Variants in LRFN5 observed in about 807,000 individuals in gnomAD.
The protein encoded by LRFN5 is leucine-rich repeat and fibronectin type-III domain-containing protein 5.
In LRFN5, 24 loss-of-function variants were observed where a neutral mutation model predicts 45.6. The ratio of observed to expected loss-of-function variants is 0.53; its 90% CI spans 0.38 to 0.74. The LOEUF (loss-of-function observed/expected upper bound fraction) is 0.74. LRFN5 is among the 30% of genes least tolerant of loss of function. The pLI is 0.00. For missense variants in LRFN5, 776 were observed against 861.5 expected, an observed-to-expected ratio of 0.90 and a Z score of 1.24; for synonymous variants, 340 against 313.8, an observed-to-expected ratio of 1.08 and a Z score of -0.88.
chr14:41,783,354 G>C (rs542476775), intron 2 of LRFN5, among the ~76,000 whole-genome samples: 1 of 152,244 alleles, frequency 6.6e-6, no homozygotes, highest in East Asian at 1.9e-4. Context: ...AGCGGATGCT[G>C]TCTGTATCTC....
At chr14:41,670,589 T>C (rs1253527206) in intron 1 of LRFN5, among the ~76,000 whole-genome samples, 1 of 151,810 alleles carries the variant, frequency 6.6e-6, no homozygotes, top group African/African-American at 2.4e-5. Flanking sequence ...TTTTATTTAT[T>C]ATGTGTGTAG....
At chr14:41,833,198 G>A (rs545484844) in intron 2 of LRFN5, among the ~76,000 whole-genome samples, 14 of 152,232 alleles carry the variant, frequency 9.2e-5, no homozygotes, top group Non-Finnish European at 1.9e-4. Context: ...TTATGACAAT[G>A]TTTTTACGAG....
chr14:41,877,974 C>T (rs1317445134), intron 2 of LRFN5, among the ~76,000 whole-genome samples: 2 of 151,834 alleles, frequency 1.3e-5, no homozygotes, highest in Non-Finnish European at 2.9e-5. Flanking sequence ...AATCAAATCC[C>T]AAAATGTAAT....
intron 1 of LRFN5, among the ~76,000 whole-genome samples, chr14:41,722,642 G>A (rs1883773947): frequency 6.6e-6 from 1 of 150,776 alleles, no homozygotes; most frequent in Non-Finnish European, 1.5e-5. Flanking sequence ...GTTGGGAAGA[G>A]TCTTTTTGCT....
chr14:41,670,707 CCAT>C (rs1018365865), intron 1 of LRFN5, among the ~76,000 whole-genome samples: 2 of 151,786 alleles, frequency 1.3e-5, no homozygotes, highest in African/African-American at 4.8e-5. Flanking sequence ...CAGGATTTAT[CCAT>C]CATTTTTATT....
Position 41,844,825 on chromosome 14 carries a change from T to C in LRFN5, c.-20-41781T>C, listed in dbSNP as rs548113123. On this transcript the variant is annotated intron_variant, in intron 2 of 5. Coordinates refer to ENST00000298119, the MANE Select transcript of LRFN5 (RefSeq NM_152447.5). ...AGAATTCCACTACATATAGTCTTTT[T>C]TTGTATCATTTTCATATAGCTGTGA... Among the ~76,000 whole-genome samples, 93 of 152,280 alleles carry C rather than the reference T, an allele frequency of 6.1e-4. 1 individual carries two copies. The South Asian group carries it at 0.018, about 30-fold the overall frequency.
chr14:41,738,095 A>G (rs1363659834), intron 1 of LRFN5, among the ~76,000 whole-genome samples: 1 of 152,216 alleles, frequency 6.6e-6, no homozygotes, highest in Non-Finnish European at 1.5e-5. Flanking sequence ...ACTTCAAACT[A>G]TACTACAAGG....
chr14:41,693,899 G>A (rs947881177), intron 1 of LRFN5, among the ~76,000 whole-genome samples: 1 of 151,950 alleles, frequency 6.6e-6, no homozygotes, highest in Admixed American at 6.6e-5. Flanking sequence ...CCCTTTATGA[G>A]TTGCAGACCA....
At chr14:41,866,292 G>T (rs57998636) in intron 2 of LRFN5, among the ~76,000 whole-genome samples, 6,280 of 152,146 alleles carry the variant, frequency 0.041, 469 homozygotes, top group African/African-American at 0.14. Context: ...TGTTAACAGG[G>T]TTTCTTACAC....
chr14:41,892,284 A>C (rs1005939260), intron 4 of LRFN5: 2 of 977,640 alleles, frequency 2.0e-6, no homozygotes, highest in African/African-American at 3.5e-5. Context: ...CAACCTTCTC[A>C]GGTACAGTAT....
intron 2 of LRFN5, among the ~76,000 whole-genome samples, chr14:41,836,252 G>A (rs924492777): frequency 1.3e-5 from 2 of 152,074 alleles, no homozygotes; most frequent in Non-Finnish European, 2.9e-5. Context: ...GGAAAAATGG[G>A]CAAGTATTCT....
At chr14:41,686,266 T>C (rs915945831) in intron 1 of LRFN5, among the ~76,000 whole-genome samples, 3 of 151,840 alleles carry the variant, frequency 2.0e-5, no homozygotes, top group African/African-American at 7.3e-5. Context: ...GCCTCTCTGC[T>C]TGCATATTGT....
chr14:41,625,780 A>T (rs1888310190), intron 1 of LRFN5, among the ~76,000 whole-genome samples: 2 of 152,184 alleles, frequency 1.3e-5, no homozygotes, highest in African/African-American at 4.8e-5. Flanking sequence ...AAAAAATGTC[A>T]AGTACAACAT....
chr14:41,700,873 G>C (rs1882813913), intron 1 of LRFN5: 1 of 152,024 alleles, frequency 6.6e-6, no homozygotes, highest in Admixed American at 6.6e-5. Flanking sequence ...CCTTGTTCTT[G>C]GTAACAGTAA....
chr14:41,892,613 C>T, intron 4 of LRFN5: 2 of 982,818 alleles, frequency 2.0e-6, no homozygotes, highest in Non-Finnish European at 2.4e-6. Context: ...TTGTAGAGAA[C>T]AACTTCATGT....
intron 2 of LRFN5, among the ~76,000 whole-genome samples, chr14:41,829,861 T>C (rs6572116): frequency 0.5 from 74,968 of 150,920 alleles, 19,255 homozygotes; most frequent in African/African-American, 0.54. Context: ...TTATTTTCTT[T>C]GTCTCTTTTT....
chr14:41,670,304 T>TATATATAC (rs1881140930), intron 1 of LRFN5, among the ~76,000 whole-genome samples: 2 of 18,776 alleles, frequency 1.1e-4, no homozygotes, highest in Non-Finnish European at 1.9e-4. Flanking sequence ...TATATATATA[T>TATATATAC]ACACACACAC....
intron 2 of LRFN5, among the ~76,000 whole-genome samples, chr14:41,795,819 T>G (rs1258247205): frequency 2.6e-5 from 4 of 151,824 alleles, no homozygotes; most frequent in Non-Finnish European, 5.9e-5. Flanking sequence ...AAGAAATAAC[T>G]AATGTAAATG....
intron 2 of LRFN5, among the ~76,000 whole-genome samples, chr14:41,861,479 CT>C (rs1160422147): frequency 6.6e-6 from 1 of 152,140 alleles, no homozygotes; most frequent in South Asian, 2.1e-4. Flanking sequence ...TTGGATGTAA[CT>C]CACTTTAAGC....
Sources: gnomAD v4.1 joint callset for allele counts (sites outside exome capture counted in the v4.1 genomes callset) on GRCh38, gnomAD v4.1.1 for gene constraint, MANE v1.5 for transcripts, NCBI Gene and HGNC (gene_info 2026-07-23, HGNC 2026-07-21) for gene names.